LRRFIP2: variants seen among roughly 807,000 people sequenced by gnomAD.
LRRFIP2 encodes the protein leucine-rich repeat flightless-interacting protein 2.
Under a neutral mutation model 125.9 loss-of-function variants are expected in LRRFIP2, and 109 were observed. The observed-to-expected ratio is 0.87, with a 90% CI of 0.74 to 1.01. The LOEUF is 1.01. Among genes scored for constraint, LRRFIP2 ranks in the 50% least tolerant of loss-of-function variants. LRRFIP2 has a pLI of 0.00. For synonymous variants in LRRFIP2, 291 were observed against 293.1 expected (o/e 0.99, Z 0.07); for missense variants, 850 against 862.3 (o/e 0.99, Z 0.18).
At chr3:37,139,715 T>C (rs1192481086) in intron 2 of LRRFIP2, among the ~76,000 whole-genome samples, 1 of 152,180 alleles carries the variant, frequency 6.6e-6, no homozygotes, top group East Asian at 1.9e-4. Context: ...CCCAACTATC[T>C]GATCTCTCTT....
intron 14 of LRRFIP2, 106 bp downstream of exon 14, chr3:37,105,349 G>T: frequency 2.2e-6 from 2 of 893,744 alleles, no homozygotes; most frequent in Non-Finnish European, 3.7e-6. Flanking sequence ...TGAGGAAAAT[G>T]CTCTTTTTGT....
intron 17 of LRRFIP2, 23 bp downstream of exon 17, chr3:37,094,769 G>T: frequency 6.4e-7 from 1 of 1,551,580 alleles, no homozygotes; most frequent in African/African-American, 1.4e-5. Context: ...CTTTTAAAAA[G>T]AAAACCAAAA....
intron 1 of LRRFIP2, among the ~76,000 whole-genome samples, chr3:37,172,405 A>G (rs1191726538): frequency 6.6e-6 from 1 of 152,234 alleles, no homozygotes; most frequent in Non-Finnish European, 1.5e-5. Flanking sequence ...TATGCCAAAG[A>G]TAAGAATGAA....
At chr3:37,110,670 T>C (rs752671796) in intron 9 of LRRFIP2, among the ~76,000 whole-genome samples, 2 of 152,206 alleles carry the variant, frequency 1.3e-5, no homozygotes, top group Admixed American at 6.5e-5. Context: ...TAGATAATTA[T>C]GTGATAAAGG....
At chr3:37,113,348 C>T (rs1294164772) in intron 7 of LRRFIP2, among the ~76,000 whole-genome samples, 1 of 152,150 alleles carries the variant, frequency 6.6e-6, no homozygotes. Flanking sequence ...CACTCTGTCA[C>T]CCAGACAGGG....
chr3:37,058,637 T>C (rs1312034130), intron 25 of LRRFIP2, among the ~76,000 whole-genome samples, 153 bp downstream of exon 25: 1 of 149,518 alleles, frequency 6.7e-6, no homozygotes, highest in African/African-American at 2.5e-5. Context: ...ATTGCACCAC[T>C]GCACTCTGAC....
intron 17 of LRRFIP2, among the ~76,000 whole-genome samples, chr3:37,092,742 G>C (rs539468954): frequency 5.1e-4 from 78 of 152,306 alleles, no homozygotes; most frequent in African/African-American, 1.7e-3. Flanking sequence ...TGCTGGCCTA[G>C]GTGCTCTCCT....
rs781625818 is a variant in LRRFIP2, at chr3:37,055,071, T to G, written c.1950+15A>C. 6.5e-7 allele frequency: 1 copy of G among 1,537,650 alleles called. No homozygotes were observed. The highest frequency in any genetic ancestry group is 8.9e-7 in the Non-Finnish European group (1 of 1,120,756). On this transcript the variant is annotated intron_variant, in intron 26 of 27. Transcript: ENST00000336686. ...AGGACATTTAAATAACTTAGTACCA[T>G]ATAGAAGTACTTACACTTTGCTCCA... is the stretch of plus-strand genomic sequence containing the variant.
chr3:37,110,840 C>T (rs1024435005), intron 9 of LRRFIP2, 151 bp downstream of exon 9: 1 of 586,066 alleles, frequency 1.7e-6, no homozygotes, highest in African/African-American at 1.9e-5. Flanking sequence ...TTTAAAGAGA[C>T]TCCCACAGAC....
At chr3:37,055,814 C>T (rs1177329840) in intron 25 of LRRFIP2, among the ~76,000 whole-genome samples, 1 of 152,154 alleles carries the variant, frequency 6.6e-6, no homozygotes, top group Non-Finnish European at 1.5e-5. Flanking sequence ...GCCTCCCTGC[C>T]CACGGGACTG....
At chr3:37,105,872 C>A (rs1451039298) in intron 13 of LRRFIP2, among the ~76,000 whole-genome samples, 2 of 152,128 alleles carry the variant, frequency 1.3e-5, no homozygotes, top group Non-Finnish European at 2.9e-5. Flanking sequence ...CAAGATGAAC[C>A]TGACCAACAT....
At chr3:37,167,883 G>A (rs1325777928) in intron 1 of LRRFIP2, among the ~76,000 whole-genome samples, 2 of 152,226 alleles carry the variant, frequency 1.3e-5, no homozygotes, top group South Asian at 4.2e-4. Flanking sequence ...ACTGAGGTGG[G>A]AAGGAACACT....
chr3:37,161,277 C>T (rs1417612312), intron 1 of LRRFIP2, among the ~76,000 whole-genome samples: 1 of 150,998 alleles, frequency 6.6e-6, no homozygotes, highest in Non-Finnish European at 1.5e-5. Context: ...ATCACTTGAA[C>T]CCAGGAGGCA....
chr3:37,156,217 C>T (rs1384445603), intron 1 of LRRFIP2, among the ~76,000 whole-genome samples: 1 of 152,124 alleles, frequency 6.6e-6, no homozygotes. Context: ...TGGTGGCTCA[C>T]ACCTGTAATC....
At chr3:37,162,295 C>A (rs1370197826) in intron 1 of LRRFIP2, among the ~76,000 whole-genome samples, 1 of 151,966 alleles carries the variant, frequency 6.6e-6, no homozygotes, top group East Asian at 1.9e-4. Flanking sequence ...CCTGAGTTCA[C>A]ACCAAGGTAT....
intron 14 of LRRFIP2, among the ~76,000 whole-genome samples, chr3:37,105,079 A>G (rs754307651): frequency 2.6e-5 from 4 of 152,246 alleles, no homozygotes; most frequent in Non-Finnish European, 4.4e-5. Flanking sequence ...AATTAATGGT[A>G]ACATGATTTG....
intron 21 of LRRFIP2, chr3:37,067,670 A>C (rs541034396): frequency 3.3e-4 from 51 of 152,342 alleles, no homozygotes; most frequent in African/African-American, 1.2e-3. Context: ...TGTATAGCAC[A>C]AATTATATGG....
chr3:37,059,681 A>AG (rs1456465432), intron 24 of LRRFIP2, among the ~76,000 whole-genome samples: 2 of 151,900 alleles, frequency 1.3e-5, no homozygotes, highest in African/African-American at 4.8e-5. Context: ...CAACTACTCC[A>AG]GAGGCTGAGG....
Position 37,058,752 on chromosome 3 carries a change from A to G in LRRFIP2, c.1870+38T>C, listed in dbSNP as rs144360258. On this transcript the variant is annotated intron_variant, in intron 25 of 27. Transcript: ENST00000336686. ...CAAACCCACCCCTGGGACACAGTCT[A>G]TATACAGACTGGGACTGGCCTGTCC... is the stretch of plus-strand genomic sequence containing the variant. 12,130 of 1,610,642 alleles carry G rather than the reference A, an allele frequency of 7.5e-3. 62 individuals are homozygous for G. Among genetic ancestry groups the G allele is most frequent in the Non-Finnish European group, 8.6e-3 (10,092 of 1,177,428 alleles).
Sources: allele counts gnomAD v4.1 joint callset (sites outside exome capture counted in the v4.1 genomes callset), GRCh38; gene constraint gnomAD v4.1.1; transcripts MANE v1.5; gene names NCBI Gene and HGNC (gene_info 2026-07-23, HGNC 2026-07-21).